SLC6A4: variants seen among roughly 807,000 people sequenced by gnomAD.
The protein encoded by SLC6A4 is solute carrier family 6 member 4, also known as sodium-dependent serotonin transporter.
A neutral mutation model predicts 73.4 loss-of-function variants in SLC6A4; 22 were observed. The observed-to-expected ratio is 0.30, with a 90% CI of 0.21 to 0.43. The LOEUF is 0.43. SLC6A4 is among the 20% of genes least tolerant of loss of function. The pLI is 1.00. For synonymous variants in SLC6A4, 270 were observed against 315.5 expected (o/e 0.86, Z 1.53); for missense variants, 593 against 808.5 (o/e 0.73, Z 3.23).
At position 30,230,095 on chromosome 17, in the gene SLC6A4, A is replaced by AGAG. The variant is rs763816521; in HGVS notation, c.-221+5515_-221+5517dup. Among the ~76,000 whole-genome samples, 31 of 118,290 alleles carry AGAG rather than the reference A, an allele frequency of 2.6e-4. 1 individual carries two copies. The South Asian group carries it at 5.6e-3, about 21-fold the overall frequency. The allele number at this position is 118,290 out of a possible 152,430, so 77.6% of individuals were successfully genotyped here. On this transcript the variant is annotated intron_variant, in intron 1 of 14. Transcript: ENST00000650711. The stretch of plus-strand genomic sequence containing the variant: ...AAGAAGAAGAAGAAGAAGAAGAAGA[A>AGAG]GAGGAGGAAGAGGAAGAGGAAGAGG...
At chr17:30,234,023 C>G (rs746288109) in intron 1 of SLC6A4, among the ~76,000 whole-genome samples, 1 of 152,050 alleles carries the variant, frequency 6.6e-6, no homozygotes, top group South Asian at 2.1e-4. Flanking sequence ...CCCCCTCCAG[C>G]CAAGCATCCC....
rs1315556512 is a variant in SLC6A4, at chr17:30,212,753, C to T, written c.1191G>A (p.Val397=). The T allele has an allele frequency of 6.2e-7, 1 of 1,614,062 alleles. No homozygotes were observed. Among genetic ancestry groups the T allele is most frequent in the Admixed American group, 1.7e-5 (1 of 60,006 alleles). Residue 397 remains valine, a synonymous_variant, in exon 9 of 15, where the codon GTG becomes GTA. Transcript: ENST00000650711. ...CCGAGGTCCTACCTGCGTCTTTGGC[C>T]ACCTCAGACACATCTTCATTCCTCA... is the stretch of plus-strand genomic sequence containing the variant. ...AEMRNEDVSE[V]AKDAGPSLLF... is the part of the protein sequence containing the mutation.
chr17:30,212,703 T>C (rs1280598676), intron 9 of SLC6A4, 37 bp downstream of exon 9: 1 of 1,604,594 alleles, frequency 6.2e-7, no homozygotes, highest in Admixed American at 1.7e-5. Context: ...AGCAACTCAG[T>C]AGGAGCAAGG....
rs1240463629 is a variant in SLC6A4 at position 30,212,835 on chromosome 17, A to G, written c.1109T>C (p.Met370Thr). The G allele has an allele frequency of 6.2e-7, 1 of 1,614,142 alleles. No individual in the cohort carries two copies. The highest frequency in any genetic ancestry group is 1.3e-5 in the African/African-American group (1 of 75,036). ...DALVTSVVNC[M>T]TSFVSGFVIF... ...GACAAATCCCGAAACGAAGCTCGTC[A>G]TGCAGTTCACCACGCTGGTCACCAG... The change falls in exon 9 of 15, where the codon ATG becomes ACG. Residue 370 changes from methionine (M) to threonine (T), a missense_variant. Physicochemically the swap from Met to Thr is moderately conservative, Grantham distance 81 (BLOSUM62 -1). Coordinates refer to ENST00000650711, the MANE Select transcript of SLC6A4 (RefSeq NM_001045.6).
chr17:30,221,962 G>A lies in SLC6A4; in HGVS notation c.-4C>T. On this transcript the variant is annotated 5_prime_UTR_variant, in exon 3 of 15. Transcript: ENST00000650711. ...AATTCAAGGGCGTCGTCTCCATCCT[G>A]CTGGTTAGTAAATGACACTGATGTC... 6.2e-7 allele frequency: 1 copy of A among 1,614,008 alleles called. No homozygotes were observed. The highest frequency in any genetic ancestry group is 8.5e-7 in the Non-Finnish European group (1 of 1,179,998).
At position 30,210,633 on chromosome 17, in the gene SLC6A4, T is replaced by C; in HGVS notation, c.1331A>G (p.Glu444Gly). 6.2e-7 allele frequency: 1 copy of C among 1,611,648 alleles called. No homozygotes were observed. Among genetic ancestry groups the C allele is most frequent in the Non-Finnish European group, 8.5e-7 (1 of 1,178,900 alleles). Reference protein sequence around the residue: ...LGLDSTFAGLEGVITAVLDEF... With the variant: ...LGLDSTFAGLGGVITAVLDEF... ...ATCCAGCACAGCCGTGATCACCCCC[T>C]CCAAGCCTGCAAACTGAGAGGTACA... Residue 444 changes from glutamate (E) to glycine (G), a missense_variant, in exon 11 of 15, where the codon GAG becomes GGG. Transcript: ENST00000650711.
At chr17:30,209,606 T>C (rs1297917783) in intron 11 of SLC6A4, among the ~76,000 whole-genome samples, 2 of 150,780 alleles carry the variant, frequency 1.3e-5, no homozygotes, top group Non-Finnish European at 3.0e-5. Flanking sequence ...GATAGCACCA[T>C]TGCACTCCAG....
intron 3 of SLC6A4, among the ~76,000 whole-genome samples, chr17:30,221,173 T>C (rs1177868236): frequency 6.6e-6 from 1 of 151,628 alleles, no homozygotes; most frequent in African/African-American, 2.4e-5. Flanking sequence ...GACGGGGTTT[T>C]GCCATGTTGG....
intron 1 of SLC6A4, among the ~76,000 whole-genome samples, chr17:30,229,021 C>T (rs897162747): frequency 6.6e-6 from 1 of 152,164 alleles, no homozygotes; most frequent in Non-Finnish European, 1.5e-5. Context: ...TTTCTCTCCT[C>T]CCTGGAGTTA....
chr17:30,231,312 TACAG>T (rs1235835961), intron 1 of SLC6A4, among the ~76,000 whole-genome samples: 5 of 151,308 alleles, frequency 3.3e-5, no homozygotes, highest in Non-Finnish European at 5.9e-5. Context: ...TATGTATACC[TACAG>T]ATATATATAT....
chr17:30,214,056 A>G (rs769804691), intron 8 of SLC6A4, among the ~76,000 whole-genome samples: 1 of 152,136 alleles, frequency 6.6e-6, no homozygotes, highest in Non-Finnish European at 1.5e-5. Context: ...CCAGTGGGTG[A>G]TATTTAAAAC....
chr17:30,224,069 C>A (rs1010632575), intron 1 of SLC6A4, among the ~76,000 whole-genome samples: 3 of 152,186 alleles, frequency 2.0e-5, no homozygotes, highest in African/African-American at 7.2e-5. Context: ...TACTTCCCTC[C>A]GGCCTATATC....
rs995709415 is a variant in SLC6A4, at chr17:30,235,532, G to C, written c.-221+81C>G. The C allele has an allele frequency of 2.6e-5, 4 of 152,234 alleles. No homozygotes were observed. Among genetic ancestry groups the C allele is most frequent in the African/African-American group, 4.8e-5 (2 of 41,450 alleles). The allele number at this position is 152,234 out of a possible 1,614,324, so 9.4% of individuals were successfully genotyped here. Reference sequence around the variant, plus strand: ...TCCTCGCAGGGCGGTGGGGCGCAGCGGTTCTATCCCCCTCCCCGAGGCGGG... The same window carrying C: ...TCCTCGCAGGGCGGTGGGGCGCAGCCGTTCTATCCCCCTCCCCGAGGCGGG... On this transcript the variant is annotated intron_variant, in intron 1 of 14. Coordinates refer to ENST00000650711, the MANE Select transcript of SLC6A4 (RefSeq NM_001045.6). This position sits in a 1 kb window ranked among gnomAD's most constrained non-coding sequence, Gnocchi z 4.5.
At chr17:30,226,770 T>A (rs1309690821) in intron 1 of SLC6A4, among the ~76,000 whole-genome samples, 1 of 151,160 alleles carries the variant, frequency 6.6e-6, no homozygotes, top group Non-Finnish European at 1.5e-5. Context: ...TAATCCCAGC[T>A]ACTCAGAAGA....
chr17:30,227,856 A>G (rs973180479), intron 1 of SLC6A4, among the ~76,000 whole-genome samples: 3 of 152,224 alleles, frequency 2.0e-5, no homozygotes, highest in African/African-American at 7.2e-5. Context: ...AGTTATCATG[A>G]GAAAGAAAAA....
chr17:30,221,117 C>T (rs888523803), intron 3 of SLC6A4, among the ~76,000 whole-genome samples: 6 of 151,656 alleles, frequency 4.0e-5, no homozygotes, highest in Admixed American at 3.9e-4. Context: ...GCTGGGACTA[C>T]AGGCGCCCAC....
At position 30,222,080 on chromosome 17, in the gene SLC6A4, C is replaced by T. The variant is rs1906782415; in HGVS notation, c.-122G>A. On this transcript the variant is annotated splice_region_variant and 5_prime_UTR_variant, in exon 3 of 15. Coordinates refer to ENST00000650711, the MANE Select transcript of SLC6A4 (RefSeq NM_001045.6). ...GTCGGGATTGACACGTCGGGATTGA[C>T]TCTGTTGGAAAGACACACAGAGGAA... 3 of 1,561,728 alleles carry T rather than the reference C, an allele frequency of 1.9e-6. No individual in the cohort carries two copies. The highest frequency in any genetic ancestry group is 2.6e-6 in the Non-Finnish European group (3 of 1,152,282).
chr17:30,222,740 T>A, intron 2 of SLC6A4, 79 bp downstream of exon 2: 1 of 1,210,134 alleles, frequency 8.3e-7, no homozygotes, highest in Non-Finnish European at 1.1e-6. Flanking sequence ...CTGTGTCCAG[T>A]CTATCTGCAC....
intron 1 of SLC6A4, among the ~76,000 whole-genome samples, chr17:30,227,461 CTTTGTGTGTGTG>C (rs1242654000): frequency 2.0e-5 from 3 of 151,416 alleles, no homozygotes; most frequent in Middle Eastern, 3.2e-3. Context: ...TTTTCTGTTC[CTTTGTGTGTGTG>C]TTTGTGTGTG....
Sources: gnomAD v4.1 joint callset for allele counts (sites outside exome capture counted in the v4.1 genomes callset) on GRCh38, gnomAD v4.1.1 for gene constraint, Gnocchi (gnomAD v3.1) non-coding constraint, MANE v1.5 for transcripts, NCBI Gene and HGNC (gene_info 2026-07-23, HGNC 2026-07-21) for gene names.